The following CTTNBP2 variants were observed in gnomAD, a reference collection of about 807,000 sequenced individuals.
The protein encoded by CTTNBP2 is cortactin-binding protein 2.
In CTTNBP2, 108 loss-of-function variants were observed where a neutral mutation model predicts 156.9. The ratio of observed to expected loss-of-function variants is 0.69; its 90% CI spans 0.59 to 0.81. The LOEUF (loss-of-function observed/expected upper bound fraction) is 0.81, where lower values mean the gene tolerates loss of function less well. Among genes scored for constraint, CTTNBP2 ranks in the 30% least tolerant of loss-of-function variants. The pLI, the probability that CTTNBP2 is intolerant of heterozygous loss-of-function variation, is 0.00. For synonymous variants in CTTNBP2, 767 were observed against 751.8 expected (o/e 1.02, Z -0.33); for missense variants, 1,924 against 2,035.4 (o/e 0.95, Z 1.05).
chr7:117,800,554 T>C (rs1465104310), intron 3 of CTTNBP2, among the ~76,000 whole-genome samples: 4 of 152,156 alleles, frequency 2.6e-5, no homozygotes, highest in Non-Finnish European at 5.9e-5. Flanking sequence ...CAGGTTTTCA[T>C]TTTGGCCTTA....
chr7:117,810,308 C>T (rs528562722), intron 3 of CTTNBP2, among the ~76,000 whole-genome samples: 1 of 152,100 alleles, frequency 6.6e-6, no homozygotes, highest in Non-Finnish European at 1.5e-5. Flanking sequence ...ATTTTCATTT[C>T]CCCCCGCCAA....
chr7:117,727,494 A>G (rs960782857), intron 17 of CTTNBP2, among the ~76,000 whole-genome samples: 1 of 152,310 alleles, frequency 6.6e-6, no homozygotes, highest in Admixed American at 6.5e-5. Flanking sequence ...CATCCAGCTA[A>G]GAAGATATTA....
At chr7:117,836,700 A>G (rs1165055816) in intron 2 of CTTNBP2, among the ~76,000 whole-genome samples, 1 of 152,174 alleles carries the variant, frequency 6.6e-6, no homozygotes, top group Admixed American at 6.5e-5. Context: ...AACATACCCG[A>G]CATTGGGTGA....
At chr7:117,786,764 G>A (rs1235662375) in intron 4 of CTTNBP2, among the ~76,000 whole-genome samples, 2 of 152,122 alleles carry the variant, frequency 1.3e-5, no homozygotes, top group African/African-American at 4.8e-5. Context: ...TTTGAGGGGA[G>A]GAGACAGTTT....
At chr7:117,871,493 G>T in intron 1 of CTTNBP2, 2 of 163,844 alleles carry the variant, frequency 1.2e-5, no homozygotes. Flanking sequence ...ATTTTCCATG[G>T]CTCTGCCCAT....
At chr7:117,811,416 T>C (rs1437164612) in intron 2 of CTTNBP2, among the ~76,000 whole-genome samples, 1 of 151,772 alleles carries the variant, frequency 6.6e-6, no homozygotes, top group Non-Finnish European at 1.5e-5. Flanking sequence ...TCCTCCTGCC[T>C]CAGCCTGTCT....
At chr7:117,779,660 T>A (rs962436502) in intron 7 of CTTNBP2, among the ~76,000 whole-genome samples, 2 of 151,700 alleles carry the variant, frequency 1.3e-5, no homozygotes, top group African/African-American at 2.4e-5. Context: ...AAATAGGAAG[T>A]TTTTTTAAGA....
At chr7:117,739,332 A>G (rs761908869) in intron 14 of CTTNBP2, among the ~76,000 whole-genome samples, 2 of 152,164 alleles carry the variant, frequency 1.3e-5, no homozygotes, top group Non-Finnish European at 2.9e-5. Flanking sequence ...CACACACCCC[A>G]TGTTACAGCT....
intron 14 of CTTNBP2, among the ~76,000 whole-genome samples, chr7:117,743,149 T>C (rs1796108602): frequency 6.6e-6 from 1 of 152,244 alleles, no homozygotes; most frequent in Non-Finnish European, 1.5e-5. Flanking sequence ...AAATGCTGAG[T>C]TGGTCACCTT....
chr7:117,724,553 T>G lies in CTTNBP2; in HGVS notation c.4441A>C (p.Thr1481Pro). 6.2e-7 allele frequency: 1 copy of G among 1,612,348 alleles called. No individual in the cohort carries two copies. The change falls in exon 19 of 23, where the codon ACT becomes CCT. Residue 1481 changes from threonine to proline, a missense_variant. Thr to Pro is a conservative substitution (Grantham distance 38). Coordinates refer to ENST00000160373, the MANE Select transcript of CTTNBP2 (RefSeq NM_033427.3). ...LPTWNKPDLS[T>P]EGMKNKTISQ... ...GCCTACCCCCGCCCTTTACCTTCAG[T>G]GCTTAGGTCTGGCTTATTCCAGGTG...
chr7:117,735,435 G>A lies in CTTNBP2; in HGVS notation c.3536-14C>T. On this transcript the variant is annotated splice_polypyrimidine_tract_variant and intron_variant, in intron 14 of 22. Transcript: ENST00000160373. ...GGATCAGACAAGCTATAATAAAAAA[G>A]GAAATTCAGTGATTCAAGCTTTTGA... The A allele has an allele frequency of 1.3e-6, 2 of 1,580,688 alleles. No homozygotes were observed. The highest frequency in any genetic ancestry group is 2.2e-5 in the East Asian group (1 of 44,604).
At chr7:117,737,831 C>T (rs977854814) in intron 14 of CTTNBP2, among the ~76,000 whole-genome samples, 2 of 152,106 alleles carry the variant, frequency 1.3e-5, no homozygotes, top group Non-Finnish European at 2.9e-5. Flanking sequence ...ACCCACCTCA[C>T]CCTCCCAAAG....
At chr7:117,761,755 G>GT (rs1562981820) in intron 9 of CTTNBP2, among the ~76,000 whole-genome samples, 1 of 152,094 alleles carries the variant, frequency 6.6e-6, no homozygotes, top group Non-Finnish European at 1.5e-5. Flanking sequence ...TCAAAGGTAT[G>GT]TTTTTTTCAA....
intron 9 of CTTNBP2, among the ~76,000 whole-genome samples, chr7:117,766,108 C>G (rs1396314776): frequency 6.6e-6 from 1 of 152,038 alleles, no homozygotes; most frequent in East Asian, 1.9e-4. Context: ...AAAATTTTAG[C>G]TCAACAGAAA....
intron 14 of CTTNBP2, among the ~76,000 whole-genome samples, chr7:117,739,171 T>C (rs897546368): frequency 2.0e-5 from 3 of 152,218 alleles, no homozygotes; most frequent in Admixed American, 6.5e-5. Flanking sequence ...AGGTTAATTT[T>C]ATTTTAGTTG....
In CTTNBP2 at chr7:117,728,161, G is replaced by C. The variant is rs200212967; in HGVS notation, c.3983C>G (p.Pro1328Arg). Residue 1328 changes from proline (P) to arginine (R), a missense_variant, in exon 17 of 23, where the codon CCT (proline) becomes CGT (arginine). By Grantham distance (103) the Pro-to-Arg change is moderately radical. Transcript: ENST00000160373. Reference protein sequence around the residue: ...LNSCLARLGTPEALLGPKYFL... With the variant: ...LNSCLARLGTREALLGPKYFL... ...ATATTTTGGTCCAAGAAGTGCTTCA[G>C]GTGTGCCCAAGCGGGCCAGGCAGGA... 7.6e-5 allele frequency: 122 copies of C among 1,614,094 alleles called. No individual in the cohort carries two copies. Among genetic ancestry groups the C allele is most frequent in the Non-Finnish European group, 1.4e-5 (17 of 1,180,030 alleles).
intron 16 of CTTNBP2, among the ~76,000 whole-genome samples, chr7:117,734,138 T>C (rs574026384): frequency 1.3e-5 from 2 of 152,296 alleles, no homozygotes; most frequent in South Asian, 2.1e-4. Context: ...ACCTGAGACG[T>C]TGGACACCTA....
intron 1 of CTTNBP2, among the ~76,000 whole-genome samples, chr7:117,869,113 AAACT>A (rs1232559722): frequency 6.6e-6 from 1 of 152,224 alleles, no homozygotes; most frequent in Non-Finnish European, 1.5e-5. Context: ...TCTAAAGAGA[AAACT>A]AATAGTGTTG....
chr7:117,749,352 T>C (rs928344130), intron 12 of CTTNBP2, among the ~76,000 whole-genome samples: 2 of 152,168 alleles, frequency 1.3e-5, no homozygotes, highest in African/African-American at 4.8e-5. Flanking sequence ...AAACTTGGTG[T>C]CTGCAGTTGC....
Sources: gnomAD v4.1 joint callset for allele counts (sites outside exome capture counted in the v4.1 genomes callset) on GRCh38, gnomAD v4.1.1 for gene constraint, MANE v1.5 for transcripts, NCBI Gene and HGNC (gene_info 2026-07-23, HGNC 2026-07-21) for gene names.